Variants in UNC5D observed in about 807,000 individuals in gnomAD.
The protein encoded by UNC5D is unc-5 netrin receptor D.
A neutral mutation model predicts 105.4 loss-of-function variants in UNC5D; 39 were observed. The observed-to-expected ratio is 0.37, with a 90% CI of 0.29 to 0.48. The LOEUF (loss-of-function observed/expected upper bound fraction) is 0.48, where lower values mean the gene tolerates loss of function less well. UNC5D is among the 20% of genes least tolerant of loss of function. The probability of loss-of-function intolerance (pLI) is 0.98; values close to 1 mark genes in which losing one functional copy is unlikely to be tolerated. For synonymous variants in UNC5D, 452 were observed against 450.4 expected, an observed-to-expected ratio of 1.00 and a Z score of -0.04; for missense variants, 991 against 1,202.4, an observed-to-expected ratio of 0.82 and a Z score of 2.60.
intron 1 of UNC5D, among the ~76,000 whole-genome samples, chr8:35,535,636 G>GA (rs1028291165): frequency 6.6e-6 from 1 of 151,272 alleles, no homozygotes; most frequent in South Asian, 2.1e-4. Context: ...GCTTTGGAAG[G>GA]AAAAAAAATA....
intron 6 of UNC5D, 53 bp downstream of exon 6, chr8:35,684,802 C>A: frequency 6.5e-7 from 1 of 1,529,012 alleles, no homozygotes; most frequent in South Asian, 1.3e-5. Flanking sequence ...CACTATTAAG[C>A]TGGTGTGAAA....
At chr8:35,640,277 G>T (rs943504340) in intron 4 of UNC5D, among the ~76,000 whole-genome samples, 1 of 151,940 alleles carries the variant, frequency 6.6e-6, no homozygotes, top group East Asian at 1.9e-4. Context: ...CAAAATGAAG[G>T]GTTCATTCAT....
chr8:35,584,961 TG>T (rs1419062119), intron 3 of UNC5D, among the ~76,000 whole-genome samples: 4 of 152,232 alleles, frequency 2.6e-5, no homozygotes, highest in African/African-American at 9.6e-5. Context: ...CAAAAGAGGC[TG>T]AACACGATAG....
rs560485440 is a variant in UNC5D, at chr8:35,350,744, C to T, written c.103+114857C>T. Among the ~76,000 whole-genome samples the T allele has an allele frequency of 4.0e-5, 6 of 151,514 alleles. No individual in the cohort carries two copies. The South Asian group carries it at 8.3e-4, about 21-fold the overall frequency. The stretch of plus-strand genomic sequence containing the variant: ...GATGTTTATAGTTTGTTTAATAAAC[C>T]GGGGGAATGGGAAACGTTATGTTTA... On this transcript the variant is annotated intron_variant, in intron 1 of 16. Transcript: ENST00000404895.
At chr8:35,757,503 C>T (rs1830567506) in intron 13 of UNC5D, among the ~76,000 whole-genome samples, 1 of 152,170 alleles carries the variant, frequency 6.6e-6, no homozygotes, top group African/African-American at 2.4e-5. Flanking sequence ...TGTCTAGACT[C>T]CTTTCCTGGT....
intron 1 of UNC5D, among the ~76,000 whole-genome samples, chr8:35,508,719 A>G (rs901425825): frequency 6.6e-6 from 1 of 152,224 alleles, no homozygotes; most frequent in Admixed American, 6.5e-5. Context: ...GGCAGGGACT[A>G]TGCCTTTTGG....
intron 4 of UNC5D, among the ~76,000 whole-genome samples, chr8:35,620,253 A>T (rs1821278159): frequency 6.6e-6 from 1 of 152,262 alleles, no homozygotes; most frequent in East Asian, 1.9e-4. Flanking sequence ...CTTTGATCCC[A>T]TTGGAGGCAG....
chr8:35,569,268 C>A (rs1263528940), intron 3 of UNC5D, among the ~76,000 whole-genome samples: 1 of 152,156 alleles, frequency 6.6e-6, no homozygotes. Context: ...CATAAAACCT[C>A]TTTTGTGTGC....
intron 1 of UNC5D, among the ~76,000 whole-genome samples, chr8:35,533,734 G>A (rs1814599535): frequency 6.6e-6 from 1 of 152,226 alleles, no homozygotes; most frequent in African/African-American, 2.4e-5. Flanking sequence ...GCCAGGTGTG[G>A]GATATAATCT....
At chr8:35,608,336 G>A (rs1308769874) in intron 4 of UNC5D, among the ~76,000 whole-genome samples, 1 of 152,178 alleles carries the variant, frequency 6.6e-6, no homozygotes, top group Non-Finnish European at 1.5e-5. Context: ...TTTTATAAAT[G>A]TTGTATTATA....
intron 14 of UNC5D, among the ~76,000 whole-genome samples, chr8:35,762,184 C>G (rs985057711): frequency 6.6e-6 from 1 of 152,064 alleles, no homozygotes; most frequent in Admixed American, 6.5e-5. Context: ...CAGAAAGGTA[C>G]AAGCTAGGGA....
intron 1 of UNC5D, among the ~76,000 whole-genome samples, chr8:35,503,666 A>C (rs1044461495): frequency 2.0e-5 from 3 of 152,192 alleles, no homozygotes; most frequent in Non-Finnish European, 4.4e-5. Context: ...TTAGTAGTGT[A>C]AGTTTTTGTT....
At chr8:35,362,842 A>G (rs535333433) in intron 1 of UNC5D, among the ~76,000 whole-genome samples, 3 of 152,302 alleles carry the variant, frequency 2.0e-5, no homozygotes, top group Admixed American at 6.5e-5. Context: ...TGTTGTAGCT[A>G]TGAAAGATAC....
Position 35,790,771 on chromosome 8 carries a change from T to C in UNC5D, c.*208T>C, listed in dbSNP as rs1391487297. The C allele has an allele frequency of 6.2e-5, 37 of 593,668 alleles. No individual in the cohort carries two copies. Among genetic ancestry groups the C allele is most frequent in the Non-Finnish European group, 1.0e-4 (35 of 337,926 alleles). 36.8% of individuals were successfully genotyped at this position (593,668 alleles called of 1,614,324 possible). On this transcript the variant is annotated 3_prime_UTR_variant, in exon 17 of 17. Transcript: ENST00000404895. ...AGCTCTCTTACATATAAGAGGGCTC[T>C]ACTATCTCCTTGGAATCCACATTTG... is the stretch of plus-strand genomic sequence containing the variant.
At chr8:35,605,304 G>T (rs1230144113) in intron 4 of UNC5D, among the ~76,000 whole-genome samples, 2 of 152,180 alleles carry the variant, frequency 1.3e-5, no homozygotes, top group African/African-American at 4.8e-5. Context: ...TTTACTGGAG[G>T]TCCACTCCAG....
At chr8:35,537,932 C>T (rs1483239955) in intron 1 of UNC5D, among the ~76,000 whole-genome samples, 2 of 151,812 alleles carry the variant, frequency 1.3e-5, no homozygotes, top group African/African-American at 4.8e-5. Flanking sequence ...GCTATTTAAC[C>T]ATTGGTAATA....
At chr8:35,419,098 G>A (rs756402068) in intron 1 of UNC5D, among the ~76,000 whole-genome samples, 7 of 152,154 alleles carry the variant, frequency 4.6e-5, no homozygotes, top group Admixed American at 2.0e-4. Context: ...ACAGCCCCAA[G>A]TATTACAACA....
chr8:35,314,083 A>G (rs1263844506), intron 1 of UNC5D, among the ~76,000 whole-genome samples: 1 of 152,174 alleles, frequency 6.6e-6, no homozygotes, highest in East Asian at 1.9e-4. Flanking sequence ...AAAAAAATCT[A>G]GTTGAAATTA....
At position 35,561,129 on chromosome 8, in the gene UNC5D, GTGAGTTTGCCTTTCA is replaced by G. The variant is rs1816927342; in HGVS notation, c.323-6967_323-6953del. ...TTTAGAGAGATCAAACAACTTGCCT[GTGAGTTTGCCTTTCA>G]TATGCAAACCAAGCAATCCAGAGGC... On this transcript the variant is annotated intron_variant, in intron 2 of 16. Coordinates refer to ENST00000404895, the MANE Select transcript of UNC5D (RefSeq NM_080872.4). 2.0e-5 allele frequency among the ~76,000 whole-genome samples: 3 copies of G among 152,234 alleles called. No individual in the cohort carries two copies. In the South Asian group the frequency reaches 6.2e-4, roughly 32 times the overall value.
Sources: allele counts gnomAD v4.1 joint callset (sites outside exome capture counted in the v4.1 genomes callset), GRCh38; gene constraint gnomAD v4.1.1; transcripts MANE v1.5; gene names NCBI Gene and HGNC (gene_info 2026-07-23, HGNC 2026-07-21).